MAML2: variants seen among roughly 807,000 people sequenced by gnomAD.
MAML2 encodes the protein mastermind-like protein 2.
A neutral mutation model predicts 96.1 loss-of-function variants in MAML2; 22 were observed. The observed-to-expected ratio is 0.23, with a 90% CI of 0.16 to 0.33. MAML2 has a LOEUF of 0.33. Among genes scored for constraint, MAML2 ranks in the 10% least tolerant of loss-of-function variants. MAML2 has a pLI of 1.00. For synonymous variants in MAML2, 561 were observed against 521.3 expected, an observed-to-expected ratio of 1.08 and a Z score of -1.04; for missense variants, 1,367 against 1,392.4, an observed-to-expected ratio of 0.98 and a Z score of 0.29.
In MAML2 at chr11:96,222,907, T is replaced by C. The variant is rs146500426; in HGVS notation, c.513+118476A>G. ...ATAATTTGTTTCATTTAAATAATTA[T>C]TTGAATGTTATATTCATTAGTTATA... On this transcript the variant is annotated intron_variant, in intron 1 of 4. Coordinates refer to ENST00000524717, the MANE Select transcript of MAML2 (RefSeq NM_032427.4). Among the ~76,000 whole-genome samples, 557 of 152,336 alleles carry C rather than the reference T, an allele frequency of 3.7e-3. 14 individuals are homozygous for C. The highest frequency in any genetic ancestry group is 0.024 in the Admixed American group (371 of 15,304).
intron 1 of MAML2, among the ~76,000 whole-genome samples, chr11:96,282,108 G>A (rs934310545): frequency 6.6e-6 from 1 of 151,920 alleles, no homozygotes; most frequent in African/African-American, 2.4e-5. Flanking sequence ...AATTAGCTGG[G>A]CGTGGTGGCG....
intron 1 of MAML2, among the ~76,000 whole-genome samples, chr11:96,315,900 T>G (rs1010354948): frequency 3.3e-5 from 5 of 152,212 alleles, no homozygotes; most frequent in Admixed American, 1.3e-4. Flanking sequence ...AATGGTCAGA[T>G]CGGCAGGTAG....
At chr11:96,127,430 A>C (rs1860466498) in intron 1 of MAML2, among the ~76,000 whole-genome samples, 2 of 152,210 alleles carry the variant, frequency 1.3e-5, no homozygotes, top group South Asian at 4.1e-4. Context: ...GTGAGCTGTT[A>C]AACAGAGCAG....
chr11:96,195,668 A>G (rs1861717591), intron 1 of MAML2, among the ~76,000 whole-genome samples: 1 of 152,224 alleles, frequency 6.6e-6, no homozygotes, highest in Non-Finnish European at 1.5e-5. Context: ...GCACCAGGTA[A>G]CCAACTAGGA....
intron 1 of MAML2, among the ~76,000 whole-genome samples, chr11:96,186,332 G>GT (rs1861574841): frequency 6.6e-6 from 1 of 152,226 alleles, no homozygotes; most frequent in South Asian, 2.1e-4. Flanking sequence ...GCTCACGCCT[G>GT]TAATCCCAGC....
At chr11:96,043,038 C>T (rs1192135044) in intron 2 of MAML2, among the ~76,000 whole-genome samples, 1 of 152,034 alleles carries the variant, frequency 6.6e-6, no homozygotes, top group Non-Finnish European at 1.5e-5. Flanking sequence ...GAGCCACCAC[C>T]CGGCGAATCC....
At chr11:96,109,416 G>C (rs554564494) in intron 1 of MAML2, among the ~76,000 whole-genome samples, 1 of 152,164 alleles carries the variant, frequency 6.6e-6, no homozygotes, top group Non-Finnish European at 1.5e-5. Context: ...AAATATTTGC[G>C]TGTGGGTGGG....
At chr11:96,157,927 C>A (rs1157769255) in intron 1 of MAML2, among the ~76,000 whole-genome samples, 1 of 152,088 alleles carries the variant, frequency 6.6e-6, no homozygotes, top group African/African-American at 2.4e-5. Context: ...ATTATTTTTA[C>A]CCTCAAATTA....
At position 96,152,228 on chromosome 11, in the gene MAML2, T is replaced by C. The variant is rs192680226; in HGVS notation, c.514-58711A>G. 6.6e-5 allele frequency among the ~76,000 whole-genome samples: 10 copies of C among 152,280 alleles called. No homozygotes were observed. The East Asian group carries it at 1.7e-3, about 26-fold the overall frequency. On this transcript the variant is annotated intron_variant, in intron 1 of 4. Coordinates refer to ENST00000524717, the MANE Select transcript of MAML2 (RefSeq NM_032427.4). ...CAGAGTGAGATTCTGTCTAAAAGAA[T>C]AGGTGAAAAAGAGTAACTGCATATT...
chr11:96,134,818 C>T (rs1307906499), intron 1 of MAML2, among the ~76,000 whole-genome samples: 5 of 152,206 alleles, frequency 3.3e-5, no homozygotes, highest in Non-Finnish European at 7.3e-5. Flanking sequence ...GCTATTTCCT[C>T]ATTTGCTACT....
intron 2 of MAML2, among the ~76,000 whole-genome samples, chr11:96,019,375 T>C (rs1167979808): frequency 6.6e-6 from 1 of 152,114 alleles, no homozygotes; most frequent in Non-Finnish European, 1.5e-5. Flanking sequence ...ATTTTGAATA[T>C]AATCTCTGTA....
intron 1 of MAML2, among the ~76,000 whole-genome samples, chr11:96,275,228 T>C (rs1266133135): frequency 6.6e-6 from 1 of 151,646 alleles, no homozygotes; most frequent in Non-Finnish European, 1.5e-5. Context: ...CTTAAACATA[T>C]CCTAACTTTT....
At chr11:96,328,291 C>T (rs1802320885) in intron 1 of MAML2, among the ~76,000 whole-genome samples, 1 of 152,024 alleles carries the variant, frequency 6.6e-6, no homozygotes, top group African/African-American at 2.4e-5. Context: ...GATATTTTCA[C>T]CTAAAATTCC....
chr11:96,022,627 G>T (rs2155416), intron 2 of MAML2, among the ~76,000 whole-genome samples: 39,750 of 152,058 alleles, frequency 0.26, 5,730 homozygotes, highest in Non-Finnish European at 0.33. Flanking sequence ...AGGCTAAGAG[G>T]CAAAAAACAT....
At chr11:96,142,394 C>T (rs1342067051) in intron 1 of MAML2, among the ~76,000 whole-genome samples, 2 of 152,102 alleles carry the variant, frequency 1.3e-5, no homozygotes, top group African/African-American at 4.8e-5. Flanking sequence ...CTCTCTTTTT[C>T]CCTGTTAAAC....
At chr11:96,298,461 A>G (rs1163301518) in intron 1 of MAML2, among the ~76,000 whole-genome samples, 2 of 152,108 alleles carry the variant, frequency 1.3e-5, no homozygotes, top group African/African-American at 4.8e-5. Flanking sequence ...GACTCAGGAA[A>G]TGTAAACATA....
At chr11:96,315,344 G>A (rs763503542) in intron 1 of MAML2, among the ~76,000 whole-genome samples, 8 of 152,032 alleles carry the variant, frequency 5.3e-5, no homozygotes, top group Non-Finnish European at 8.8e-5. Context: ...ATCCATTTTG[G>A]TTTCCTGTAA....
At chr11:96,287,189 A>G (rs1863152547) in intron 1 of MAML2, among the ~76,000 whole-genome samples, 1 of 152,238 alleles carries the variant, frequency 6.6e-6, no homozygotes, top group South Asian at 2.1e-4. Flanking sequence ...TAAGAGCATT[A>G]CATCATGGGA....
At chr11:96,259,338 C>G (rs1862715485) in intron 1 of MAML2, among the ~76,000 whole-genome samples, 1 of 152,144 alleles carries the variant, frequency 6.6e-6, no homozygotes, top group Admixed American at 6.5e-5. Context: ...GCATTTTCCC[C>G]TTGCAACCGT....
Sources: gnomAD v4.1 joint callset for allele counts (sites outside exome capture counted in the v4.1 genomes callset) on GRCh38, gnomAD v4.1.1 for gene constraint, MANE v1.5 for transcripts, NCBI Gene and HGNC (gene_info 2026-07-23, HGNC 2026-07-21) for gene names.